ACOT11: variants seen among roughly 807,000 people sequenced by gnomAD.
ACOT11 encodes acyl-CoA thioesterase 11.
In ACOT11, 69 loss-of-function variants were observed where a neutral mutation model predicts 77.5. The observed-to-expected ratio is 0.89, with a 90% confidence interval of 0.73 to 1.09. ACOT11 has a LOEUF of 1.09. Ranked by LOEUF, ACOT11 falls within the 50% of genes least tolerant of loss-of-function variation. ACOT11 has a pLI of 0.00. For missense variants in ACOT11, 766 were observed against 813.7 expected (o/e 0.94, Z 0.71); for synonymous variants, 279 against 313.0 (o/e 0.89, Z 1.15).
intron 15 of ACOT11, chr1:54,623,310 G>A (rs1557676034): frequency 6.2e-7 from 1 of 1,614,076 alleles, no homozygotes; most frequent in Non-Finnish European, 8.5e-7. Flanking sequence ...AAGGACTATT[G>A]CGGCAATGAC....
chr1:54,588,131 G>A (rs1654572446), intron 3 of ACOT11, among the ~76,000 whole-genome samples: 1 of 152,018 alleles, frequency 6.6e-6, no homozygotes, highest in Admixed American at 6.5e-5. Flanking sequence ...TTGAGCCTGG[G>A]AGGTGGAGGT....
At chr1:54,558,947 T>G (rs74478684) in intron 1 of ACOT11, among the ~76,000 whole-genome samples, 2 of 152,272 alleles carry the variant, frequency 1.3e-5, no homozygotes, top group East Asian at 3.9e-4. Context: ...AAACACATCA[T>G]CATGGTTCCC....
chr1:54,616,204 T>G (rs747740556), intron 15 of ACOT11: 1 of 1,556,888 alleles, frequency 6.4e-7, no homozygotes, highest in African/African-American at 1.4e-5. Flanking sequence ...AGTGAGTTCC[T>G]TTTTTTAAAA....
intron 1 of ACOT11, among the ~76,000 whole-genome samples, chr1:54,561,943 G>T (rs1653514623): frequency 1.0e-5 from 1 of 97,286 alleles, no homozygotes; most frequent in Non-Finnish European, 2.0e-5. Context: ...CCCGGACGGG[G>T]CGGCTGGCCG....
intron 1 of ACOT11, among the ~76,000 whole-genome samples, chr1:54,577,534 TATAC>T (rs1351402907): frequency 2.6e-5 from 4 of 152,256 alleles, no homozygotes; most frequent in Non-Finnish European, 5.9e-5. Flanking sequence ...TATATATCTA[TATAC>T]ATACATATAT....
At chr1:54,636,467 C>T (rs901652157) in exon 17 of ACOT11, 7 of 152,160 alleles carry the variant, frequency 4.6e-5, no homozygotes, top group African/African-American at 1.4e-4. Flanking sequence ...TATTGCTGCC[C>T]GCATGTCATA....
At chr1:54,560,232 C>T (rs937630703) in intron 1 of ACOT11, among the ~76,000 whole-genome samples, 1 of 152,152 alleles carries the variant, frequency 6.6e-6, no homozygotes, top group African/African-American at 2.4e-5. Flanking sequence ...GAGGGAAGCA[C>T]CAAGATAGCC....
intron 15 of ACOT11, among the ~76,000 whole-genome samples, chr1:54,618,178 C>G (rs936230968): frequency 2.0e-5 from 3 of 152,140 alleles, no homozygotes; most frequent in Non-Finnish European, 1.5e-5. Flanking sequence ...ACTATGGCAC[C>G]TCCTGCTCAT....
chr1:54,619,353 A>G (rs554079711), intron 15 of ACOT11, among the ~76,000 whole-genome samples: 6 of 152,294 alleles, frequency 3.9e-5, no homozygotes, highest in South Asian at 4.1e-4. Context: ...CTGGGCTCCA[A>G]TGTTGGCTTA....
chr1:54,583,563 T>C (rs1485032747), intron 1 of ACOT11, among the ~76,000 whole-genome samples: 1 of 148,916 alleles, frequency 6.7e-6, no homozygotes, highest in African/African-American at 2.5e-5. Flanking sequence ...AGCAGTGTAG[T>C]GTCGGGGGTA....
At chr1:54,587,508 G>A (rs934437447) in intron 3 of ACOT11, among the ~76,000 whole-genome samples, 35 of 148,082 alleles carry the variant, frequency 2.4e-4, no homozygotes, top group African/African-American at 8.0e-4. Context: ...GCAAGAGAGC[G>A]AGCCTCCATC....
intron 8 of ACOT11, chr1:54,599,655 C>A: frequency 3.5e-6 from 1 of 281,768 alleles, no homozygotes; most frequent in Non-Finnish European, 6.5e-6. Flanking sequence ...CTGGGATCCC[C>A]CAGCCCCTGT....
chr1:54,609,870 G>A lies in ACOT11; in HGVS notation c.*758G>A. The A allele has an allele frequency of 6.2e-7, 1 of 1,613,778 alleles. No homozygotes were observed. Among genetic ancestry groups the A allele is most frequent in the Non-Finnish European group, 8.5e-7 (1 of 1,180,018 alleles). On this transcript the variant is annotated 3_prime_UTR_variant, in exon 16 of 16. Coordinates refer to ENST00000343744, the MANE Select transcript of ACOT11 (RefSeq NM_147161.4). The stretch of plus-strand genomic sequence containing the variant: ...GTCAGGATGTTGCCACTTGGAGTAT[G>A]AACAATGGGCACGGGGTTTTCAGCC...
At chr1:54,601,139 ACGTGTGTGTGTGTG>A in intron 8 of ACOT11, 116 bp from the exon 9 acceptor site, 8 of 913,780 alleles carry the variant, frequency 8.8e-6, no homozygotes, top group Non-Finnish European at 1.2e-5. Context: ...GTGTGTGCAT[ACGTGTGTGTGTGTG>A]CATGCATGTG....
chr1:54,587,888 T>C (rs1001032325), intron 3 of ACOT11, among the ~76,000 whole-genome samples: 1 of 151,982 alleles, frequency 6.6e-6, no homozygotes, highest in African/African-American at 2.4e-5. Context: ...TATTTTAGAA[T>C]AGTTTTAAAT....
At chr1:54,594,997 T>C (rs1338916980) in intron 6 of ACOT11, among the ~76,000 whole-genome samples, 4 of 152,212 alleles carry the variant, frequency 2.6e-5, no homozygotes, top group African/African-American at 9.7e-5. Flanking sequence ...TATTGAGCTA[T>C]AACTTGAAGA....
intron 1 of ACOT11, among the ~76,000 whole-genome samples, chr1:54,560,045 C>T (rs78059961): frequency 2.0e-5 from 3 of 152,194 alleles, no homozygotes; most frequent in African/African-American, 2.4e-5. Flanking sequence ...GGCAGCCTTG[C>T]GGGTTAGAGG....
rs1569766930 is a variant in ACOT11 at position 54,607,072 on chromosome 1, A to G, written c.1371-62A>G. 6.2e-7 allele frequency: 1 copy of G among 1,606,090 alleles called. No homozygotes were observed. Among genetic ancestry groups the G allele is most frequent in the African/African-American group, 1.3e-5 (1 of 74,804 alleles). On this transcript the variant is annotated intron_variant, in intron 13 of 15. Coordinates refer to ENST00000343744, the MANE Select transcript of ACOT11 (RefSeq NM_147161.4). This position sits in a 1 kb window ranked among gnomAD's most constrained non-coding sequence, Gnocchi z 4.5. ...CTGCAGTGTGGCAGGGCCCGGGCAG[A>G]CCCGCTGCTTGCATGGGAGCTGGAA...
intron 15 of ACOT11, chr1:54,616,153 C>T (rs1644171291): frequency 6.2e-7 from 1 of 1,614,154 alleles, no homozygotes. Flanking sequence ...TGACGTCAGC[C>T]TCCAGGACTG....
Sources: allele counts gnomAD v4.1 joint callset (sites outside exome capture counted in the v4.1 genomes callset), GRCh38; gene constraint gnomAD v4.1.1; non-coding constraint Gnocchi (gnomAD v3.1); transcripts MANE v1.5; gene names NCBI Gene and HGNC (gene_info 2026-07-23, HGNC 2026-07-21).